The following FAM13A variants were observed in gnomAD, a reference collection of about 807,000 sequenced individuals.
The protein encoded by FAM13A is protein FAM13A.
In FAM13A, 76 loss-of-function variants were observed where a neutral mutation model predicts 129.6. The ratio of observed to expected loss-of-function variants is 0.59; its 90% CI spans 0.49 to 0.71. The LOEUF (loss-of-function observed/expected upper bound fraction) is 0.71. Among genes scored for constraint, FAM13A ranks in the 30% least tolerant of loss-of-function variants. FAM13A has a pLI of 0.00. For missense variants in FAM13A, 1,108 were observed against 1,249.3 expected (o/e 0.89, Z 1.70); for synonymous variants, 443 against 449.9 (o/e 0.98, Z 0.20).
Position 88,947,267 on chromosome 4 carries a change from C to T in FAM13A, c.606-9026G>A, listed in dbSNP as rs535323216. Among the ~76,000 whole-genome samples the T allele has an allele frequency of 6.6e-4, 100 of 152,132 alleles. 1 individual carries two copies. Among genetic ancestry groups the T allele is most frequent in the African/African-American group, 2.2e-3 (90 of 41,508 alleles). On this transcript the variant is annotated intron_variant, in intron 4 of 23. Coordinates refer to ENST00000264344, the MANE Select transcript of FAM13A (RefSeq NM_014883.4). ...CTACCAAAAAATATAAAAACTTAGT[C>T]GGGCGTGGTAGTGTGCACCTGTAGT...
chr4:88,985,003 T>C (rs1290454542), intron 4 of FAM13A, among the ~76,000 whole-genome samples: 1 of 152,118 alleles, frequency 6.6e-6, no homozygotes, highest in East Asian at 1.9e-4. Context: ...CACAGCAGCA[T>C]CATTCGAAAT....
At chr4:88,849,591 T>C (rs1366821954) in intron 7 of FAM13A, among the ~76,000 whole-genome samples, 2 of 152,226 alleles carry the variant, frequency 1.3e-5, no homozygotes, top group South Asian at 2.1e-4. Flanking sequence ...TAAACTGTTA[T>C]AATTTCTTAA....
chr4:88,746,267 T>C (rs999253921), intron 19 of FAM13A, among the ~76,000 whole-genome samples: 4 of 152,192 alleles, frequency 2.6e-5, no homozygotes, highest in Non-Finnish European at 5.9e-5. Flanking sequence ...GAAGGGTGTC[T>C]GATGAAAAGT....
intron 7 of FAM13A, among the ~76,000 whole-genome samples, chr4:88,829,750 G>C (rs183517690): frequency 6.6e-6 from 1 of 152,292 alleles, no homozygotes; most frequent in Admixed American, 6.5e-5. Flanking sequence ...AGAGGAGTGC[G>C]TGTAGGTAAA....
intron 1 of FAM13A, among the ~76,000 whole-genome samples, chr4:89,045,898 C>T (rs919906059): frequency 2.6e-5 from 4 of 151,888 alleles, no homozygotes; most frequent in African/African-American, 9.7e-5. Context: ...GTGACGCATG[C>T]CTGTAATCCC....
chr4:88,971,916 TAGA>T (rs1760137667), intron 4 of FAM13A, among the ~76,000 whole-genome samples: 1 of 152,224 alleles, frequency 6.6e-6, no homozygotes, highest in Non-Finnish European at 1.5e-5. Context: ...ATATCAAATT[TAGA>T]AGACCAGACT....
chr4:88,880,099 G>A (rs550058211), intron 6 of FAM13A, among the ~76,000 whole-genome samples: 10 of 152,180 alleles, frequency 6.6e-5, no homozygotes, highest in South Asian at 4.1e-4. Context: ...GGGAAGCTCC[G>A]ACTTAGAAGG....
At chr4:88,805,185 T>C in intron 7 of FAM13A, 133 bp from the exon 8 acceptor site, 1 of 618,088 alleles carries the variant, frequency 1.6e-6, no homozygotes, top group Non-Finnish European at 2.9e-6. Context: ...ATAAGGTTAG[T>C]AAAACATGAT....
At chr4:88,986,853 A>T (rs1039936605) in intron 4 of FAM13A, among the ~76,000 whole-genome samples, 1 of 152,230 alleles carries the variant, frequency 6.6e-6, no homozygotes, top group Non-Finnish European at 1.5e-5. Context: ...TATCAATATA[A>T]ATCCATTATT....
rs1485138635 is a variant in FAM13A, at chr4:88,749,945, A to G, written c.1941-36T>C. Reference sequence around the variant, plus strand: ...TACGACTTGGGTCAGTTTCCCCAGGAGCAGTCACTGCTTGCCTAGAGGGGC... The same window carrying G: ...TACGACTTGGGTCAGTTTCCCCAGGGGCAGTCACTGCTTGCCTAGAGGGGC... On this transcript the variant is annotated intron_variant, in intron 15 of 23. Coordinates refer to ENST00000264344, the MANE Select transcript of FAM13A (RefSeq NM_014883.4). The G allele has an allele frequency of 2.5e-6, 4 of 1,609,240 alleles. No homozygotes were observed. The East Asian group carries it at 6.7e-5, about 27-fold the overall frequency.
chr4:88,851,574 A>C (rs1175127688), intron 6 of FAM13A, among the ~76,000 whole-genome samples: 2 of 152,218 alleles, frequency 1.3e-5, no homozygotes, highest in Non-Finnish European at 2.9e-5. Context: ...GCAGGAAAAA[A>C]AAGAGCTAAG....
intron 8 of FAM13A, among the ~76,000 whole-genome samples, chr4:88,798,752 G>A (rs1726781253): frequency 6.6e-6 from 1 of 152,156 alleles, no homozygotes; most frequent in Non-Finnish European, 1.5e-5. Context: ...ATAGAAAGCT[G>A]GGAGTACTGT....
At chr4:88,874,319 G>A (rs1026328146) in intron 6 of FAM13A, among the ~76,000 whole-genome samples, 3 of 152,096 alleles carry the variant, frequency 2.0e-5, no homozygotes, top group Admixed American at 1.3e-4. Flanking sequence ...AAAATAAAGA[G>A]TATTCAATTA....
At chr4:88,763,156 G>A (rs571564415) in intron 13 of FAM13A, among the ~76,000 whole-genome samples, 1 of 151,938 alleles carries the variant, frequency 6.6e-6, no homozygotes, top group Non-Finnish European at 1.5e-5. Flanking sequence ...GTTTTTCCTC[G>A]AATACAGGAA....
intron 4 of FAM13A, among the ~76,000 whole-genome samples, chr4:88,958,817 G>A (rs550946864): frequency 6.6e-6 from 1 of 152,294 alleles, no homozygotes; most frequent in East Asian, 1.9e-4. Context: ...CAACCTCAAG[G>A]CAGAAAAGCC....
At chr4:88,788,131 T>C (rs1376840230) in intron 9 of FAM13A, among the ~76,000 whole-genome samples, 199 bp from the exon 10 acceptor site, 1 of 152,184 alleles carries the variant, frequency 6.6e-6, no homozygotes, top group Non-Finnish European at 1.5e-5. Flanking sequence ...ACGAAAACAA[T>C]TCTGCCAATT....
chr4:88,946,375 G>C (rs1038188584), intron 4 of FAM13A, among the ~76,000 whole-genome samples: 1 of 147,390 alleles, frequency 6.8e-6, no homozygotes, highest in Non-Finnish European at 1.5e-5. Context: ...AGCTGGCCTT[G>C]CTGAGAGATC....
Position 88,906,451 on chromosome 4 carries a change from A to G in FAM13A, c.771T>C (p.Tyr257=). The change falls in exon 6 of 24, where the codon TAT becomes TAC. Residue 257 remains tyrosine (Y), a synonymous_variant. Transcript: ENST00000264344. ...ARLIIVKEVY[Y]KNSLPILLTR... ...TTAAAAGGATGGGCAGGGAGTTCTT[A>G]TAATAGACCTCCTACAAAAGAAGTA... The G allele has an allele frequency of 6.2e-7, 1 of 1,601,994 alleles. No individual in the cohort carries two copies. The highest frequency in any genetic ancestry group is 1.7e-5 in the Admixed American group (1 of 58,534).
chr4:88,774,834 A>C (rs1245940205), intron 11 of FAM13A, among the ~76,000 whole-genome samples: 1 of 152,162 alleles, frequency 6.6e-6, no homozygotes, highest in Non-Finnish European at 1.5e-5. Context: ...AAAGGAAAGG[A>C]CTTGGAAAAT....
Sources: gnomAD v4.1 joint callset for allele counts (sites outside exome capture counted in the v4.1 genomes callset) on GRCh38, gnomAD v4.1.1 for gene constraint, MANE v1.5 for transcripts, NCBI Gene and HGNC (gene_info 2026-07-23, HGNC 2026-07-21) for gene names.